The following IGSF10 variants were observed in gnomAD, a reference collection of about 807,000 sequenced individuals.
IGSF10 encodes the protein calvaria mechanical force protein 608.
In IGSF10, 126 loss-of-function variants were observed where a neutral mutation model predicts 128.2. The observed-to-expected ratio is 0.98, with a 90% CI of 0.85 to 1.14. IGSF10 has a LOEUF of 1.14. Ranked by LOEUF, IGSF10 falls within the 50% of genes most tolerant of loss-of-function variation. The probability of loss-of-function intolerance (pLI) is 0.00; values close to 1 mark genes in which losing one functional copy is unlikely to be tolerated. For missense variants in IGSF10, 3,295 were observed against 3,149.8 expected (o/e 1.05, Z -1.10); for synonymous variants, 1,185 against 1,146.2 (o/e 1.03, Z -0.68).
chr3:151,522,225 C>T, the IGSF10 span, among the ~76,000 whole-genome samples: 1 of 151,932 alleles, frequency 6.6e-6, no homozygotes, highest in South Asian at 2.1e-4. Context: ...CCAAAAAAAT[C>T]CCAGGACCTG....
the IGSF10 span, among the ~76,000 whole-genome samples, chr3:151,532,333 C>T: frequency 2.0e-5 from 3 of 152,074 alleles, 1 homozygote; most frequent in South Asian, 6.2e-4. Context: ...TTTATGAGGC[C>T]AGCATCATCC....
chr3:151,576,168 ATTATT>A, the IGSF10 span, among the ~76,000 whole-genome samples: 1 of 151,514 alleles, frequency 6.6e-6, no homozygotes, highest in African/African-American at 2.4e-5. Flanking sequence ...TAGCTGCTAT[ATTATT>A]TTATCTATTT....
the IGSF10 span, among the ~76,000 whole-genome samples, chr3:151,514,944 C>A: frequency 2.6e-5 from 4 of 152,194 alleles, no homozygotes; most frequent in South Asian, 6.2e-4. Flanking sequence ...GTTAGAATGG[C>A]GATCATTAAA....
At chr3:151,595,977 CAAA>C in the IGSF10 span, among the ~76,000 whole-genome samples, 4 of 152,024 alleles carry the variant, frequency 2.6e-5, no homozygotes, top group Admixed American at 2.6e-4. Context: ...CACACACACA[CAAA>C]AGAGGGTAGC....
chr3:151,551,662 TAC>T, the IGSF10 span, among the ~76,000 whole-genome samples: 56,395 of 145,032 alleles, frequency 0.39, 10,518 homozygotes, highest in East Asian at 0.45. Flanking sequence ...ACATGGGCAT[TAC>T]ACACACACAC....
At chr3:151,477,503 A>G in the IGSF10 span, among the ~76,000 whole-genome samples, 1 of 152,152 alleles carries the variant, frequency 6.6e-6, no homozygotes, top group Admixed American at 6.5e-5. Flanking sequence ...TTTATTTTTC[A>G]TTGTTATTTT....
the IGSF10 span, among the ~76,000 whole-genome samples, chr3:151,502,719 G>A: frequency 4.1e-4 from 63 of 151,890 alleles, no homozygotes; most frequent in Non-Finnish European, 7.9e-4. Flanking sequence ...GGCAGGCTTG[G>A]TTATTTGGAC....
the IGSF10 span, among the ~76,000 whole-genome samples, chr3:151,617,007 C>T: frequency 0.036 from 5,434 of 152,176 alleles, 254 homozygotes; most frequent in African/African-American, 0.11. Context: ...GGGCCCAATG[C>T]CTGCACTGGT....
chr3:151,468,352 G>A, the IGSF10 span, among the ~76,000 whole-genome samples: 1 of 152,130 alleles, frequency 6.6e-6, no homozygotes, highest in Admixed American at 6.5e-5. Flanking sequence ...AATCACAACC[G>A]AGAGATCCTA....
the IGSF10 span, among the ~76,000 whole-genome samples, chr3:151,468,448 G>C: frequency 6.6e-6 from 1 of 152,176 alleles, no homozygotes; most frequent in Admixed American, 6.5e-5. Flanking sequence ...TTTTATGTAA[G>C]AGGTCTGCCA....
the IGSF10 span, among the ~76,000 whole-genome samples, chr3:151,615,770 C>A: frequency 6.6e-6 from 1 of 151,848 alleles, no homozygotes; most frequent in Non-Finnish European, 1.5e-5. Flanking sequence ...ATACAAAGGT[C>A]GAGAAGAATC....
the IGSF10 span, among the ~76,000 whole-genome samples, chr3:151,510,452 C>A: frequency 6.6e-6 from 1 of 152,212 alleles, no homozygotes; most frequent in East Asian, 1.9e-4. Flanking sequence ...ACACCCACAC[C>A]AAAAACCCAT....
chr3:151,481,517 G>T, the IGSF10 span, among the ~76,000 whole-genome samples: 1 of 151,998 alleles, frequency 6.6e-6, no homozygotes, highest in Non-Finnish European at 1.5e-5. Flanking sequence ...TACCCCTCAG[G>T]GTCAAAATCA....
In IGSF10 at chr3:151,451,129, C is replaced by T. The variant is rs541464128; in HGVS notation, c.716-1864G>A. ...ATTTTGCCTCAAATGCAAACCTGAC[C>T]ATATCACCCCCATTCCCTCGGTTCC... On this transcript the variant is annotated intron_variant, in intron 5 of 7. Coordinates refer to ENST00000282466, the MANE Select transcript of IGSF10 (RefSeq NM_178822.5). Among the ~76,000 whole-genome samples the T allele has an allele frequency of 2.2e-4, 34 of 152,168 alleles. No individual in the cohort carries two copies. In the East Asian group the frequency reaches 2.9e-3, roughly 13 times the overall value.
At chr3:151,610,277 A>G in the IGSF10 span, among the ~76,000 whole-genome samples, 1 of 152,216 alleles carries the variant, frequency 6.6e-6, no homozygotes, top group Non-Finnish European at 1.5e-5. Context: ...CTGTCATTCA[A>G]ATATTGATAG....
the IGSF10 span, among the ~76,000 whole-genome samples, chr3:151,481,495 AG>A: frequency 6.6e-6 from 1 of 152,182 alleles, no homozygotes; most frequent in East Asian, 1.9e-4. Flanking sequence ...TGCACAGGCT[AG>A]TGCTGTACCC....
At chr3:151,598,644 A>G in the IGSF10 span, among the ~76,000 whole-genome samples, 1 of 152,248 alleles carries the variant, frequency 6.6e-6, no homozygotes, top group East Asian at 1.9e-4. Flanking sequence ...TTGTTGTTAC[A>G]CAGTATTTAG....
the IGSF10 span, among the ~76,000 whole-genome samples, chr3:151,486,904 C>G: frequency 6.6e-6 from 1 of 152,044 alleles, no homozygotes; most frequent in Non-Finnish European, 1.5e-5. Flanking sequence ...AATTGATATC[C>G]TAACATCATA....
chr3:151,592,821 A>G, the IGSF10 span, among the ~76,000 whole-genome samples: 3 of 152,204 alleles, frequency 2.0e-5, no homozygotes, highest in Admixed American at 1.3e-4. Context: ...TAGTCTACAT[A>G]CTGTGTAATG....
Sources: gnomAD v4.1 joint callset for allele counts (sites outside exome capture counted in the v4.1 genomes callset) on GRCh38, gnomAD v4.1.1 for gene constraint, MANE v1.5 for transcripts, NCBI Gene and HGNC (gene_info 2026-07-23, HGNC 2026-07-21) for gene names.